LPCAT2: variants seen among roughly 807,000 people sequenced by gnomAD.
LPCAT2 encodes lysophosphatidylcholine acyltransferase 2, also known as 1-AGP acyltransferase 11.
Under a neutral mutation model 64.7 loss-of-function variants are expected in LPCAT2, and 58 were observed. The ratio of observed to expected loss-of-function variants is 0.90; its 90% confidence interval spans 0.73 to 1.12. The LOEUF (loss-of-function observed/expected upper bound fraction) is 1.12, where lower values mean the gene tolerates loss of function less well. Ranked by LOEUF, LPCAT2 falls within the 50% of genes most tolerant of loss-of-function variation. LPCAT2 has a pLI of 0.00. For missense variants in LPCAT2, 579 were observed against 669.8 expected (o/e 0.86, Z 1.50); for synonymous variants, 252 against 245.3 (o/e 1.03, Z -0.26).
chr16:55,513,497 C>T (rs1260157490), intron 1 of LPCAT2, among the ~76,000 whole-genome samples: 1 of 144,394 alleles, frequency 6.9e-6, no homozygotes, highest in African/African-American at 2.5e-5. Flanking sequence ...AAATTATCTT[C>T]TCTATAAAAG....
chr16:55,553,615 GTTGTAA>G (rs1963543026), intron 11 of LPCAT2, among the ~76,000 whole-genome samples: 1 of 152,174 alleles, frequency 6.6e-6, no homozygotes, highest in Admixed American at 6.5e-5. Context: ...ATCCATAAGT[GTTGTAA>G]TTGGCTTCTT....
chr16:55,530,096 G>A (rs1362293694), intron 4 of LPCAT2, 149 bp downstream of exon 4: 5 of 509,636 alleles, frequency 9.8e-6, no homozygotes, highest in Non-Finnish European at 1.7e-5. Context: ...AAATACAGTA[G>A]CCAGTATTAA....
At chr16:55,556,680 G>A (rs958434439) in intron 11 of LPCAT2, among the ~76,000 whole-genome samples, 6 of 152,110 alleles carry the variant, frequency 3.9e-5, no homozygotes, top group African/African-American at 9.7e-5. Context: ...CCCAGGAGGC[G>A]GAGCTTGCAG....
chr16:55,547,474 C>T lies in LPCAT2; in HGVS notation c.935+1657C>T, dbSNP rs1423018824. On this transcript the variant is annotated intron_variant, in intron 9 of 13. Coordinates refer to ENST00000262134, the MANE Select transcript of LPCAT2 (RefSeq NM_017839.5). ...GAAAACACAAGTACTGTGGTAGGCC[C>T]TCAACTTAAGTTATTTAACATTATC... Among the ~76,000 whole-genome samples the T allele has an allele frequency of 3.9e-5, 6 of 152,072 alleles. No individual in the cohort carries two copies. In the East Asian group the frequency reaches 9.7e-4, roughly 25 times the overall value.
chr16:55,554,602 T>C (rs1395595534), intron 11 of LPCAT2, among the ~76,000 whole-genome samples: 1 of 152,218 alleles, frequency 6.6e-6, no homozygotes, highest in Non-Finnish European at 1.5e-5. Flanking sequence ...ATAAGACTGT[T>C]TCACTTTCTT....
At chr16:55,555,768 C>T (rs1346641923) in intron 11 of LPCAT2, among the ~76,000 whole-genome samples, 1 of 152,152 alleles carries the variant, frequency 6.6e-6, no homozygotes, top group East Asian at 1.9e-4. Context: ...AGCAGTACTA[C>T]TATAAAGTGC....
chr16:55,567,915 A>G (rs897668304), intron 11 of LPCAT2, among the ~76,000 whole-genome samples: 6 of 152,146 alleles, frequency 3.9e-5, no homozygotes, highest in African/African-American at 1.4e-4. Flanking sequence ...CAGGAGATAC[A>G]TTTTCCATTT....
intron 11 of LPCAT2, among the ~76,000 whole-genome samples, chr16:55,573,754 G>A (rs1204139685): frequency 2.6e-5 from 4 of 151,320 alleles, no homozygotes; most frequent in Non-Finnish European, 5.9e-5. Flanking sequence ...CATCTCATTT[G>A]TCCCTTCTCC....
intron 10 of LPCAT2, among the ~76,000 whole-genome samples, chr16:55,549,862 T>TA (rs1415830432): frequency 1.5e-4 from 23 of 152,120 alleles, no homozygotes; most frequent in Admixed American, 5.9e-4. Context: ...ACCTATTTTT[T>TA]AAAAAAAAGG....
chr16:55,580,973 A>G lies in LPCAT2; in HGVS notation c.1450+1729A>G, dbSNP rs550895967. On this transcript the variant is annotated intron_variant, in intron 13 of 13. Coordinates refer to ENST00000262134, the MANE Select transcript of LPCAT2 (RefSeq NM_017839.5). ...AATCCCCTTTACCATCCATGGAAAAATTGTCTTCCATGAAACCAGTCCCTG... is the reference window on the plus strand; with the variant it reads ...AATCCCCTTTACCATCCATGGAAAAGTTGTCTTCCATGAAACCAGTCCCTG... Among the ~76,000 whole-genome samples, 43 of 152,258 alleles carry G rather than the reference A, an allele frequency of 2.8e-4. No homozygotes were observed. In the South Asian group the frequency reaches 8.9e-3, roughly 32 times the overall value.
In LPCAT2 at chr16:55,509,157, G is replaced by T. The variant is rs765110127; in HGVS notation, c.-25G>T. The T allele has an allele frequency of 1.5e-6, 2 of 1,315,188 alleles. No homozygotes were observed. Among genetic ancestry groups the T allele is most frequent in the South Asian group, 4.2e-5 (2 of 47,838 alleles). 81.5% of individuals were successfully genotyped at this position (1,315,188 alleles called of 1,614,324 possible). Reference sequence around the variant, plus strand: ...TGCAGCGCCCGCGTAGATCGCTTCGGCCGGGTTCTACGCCCGGCTCAACTA... The same window carrying T: ...TGCAGCGCCCGCGTAGATCGCTTCGTCCGGGTTCTACGCCCGGCTCAACTA... On this transcript the variant is annotated 5_prime_UTR_variant, in exon 1 of 14. Coordinates refer to ENST00000262134, the MANE Select transcript of LPCAT2 (RefSeq NM_017839.5).
At chr16:55,552,293 C>T (rs1370945923) in intron 11 of LPCAT2, among the ~76,000 whole-genome samples, 1 of 152,042 alleles carries the variant, frequency 6.6e-6, no homozygotes, top group African/African-American at 2.4e-5. Context: ...CCTTTCATTG[C>T]TGAGTAGTAT....
At chr16:55,559,667 A>G (rs1596878479) in intron 11 of LPCAT2, among the ~76,000 whole-genome samples, 1 of 152,076 alleles carries the variant, frequency 6.6e-6, no homozygotes, top group East Asian at 1.9e-4. Flanking sequence ...TATGTAATAC[A>G]GTATTTCATA....
chr16:55,545,783 C>CT lies in LPCAT2; in HGVS notation c.906dup (p.Ala303CysfsTer3). 1 of 1,612,734 alleles carries CT rather than the reference C, an allele frequency of 6.2e-7. No homozygotes were observed. The highest frequency in any genetic ancestry group is 8.5e-7 in the Non-Finnish European group (1 of 1,179,320). On this transcript the variant is annotated frameshift_variant, in exon 9 of 14. Coordinates refer to ENST00000262134, the MANE Select transcript of LPCAT2 (RefSeq NM_017839.5). LOFTEE classifies it high-confidence loss of function. ...TGATGAAGAAAAAAATGATCCTGTC[C>CT]TTTTTGCCAATAAAGTCCGGAATTT...
intron 1 of LPCAT2, among the ~76,000 whole-genome samples, chr16:55,518,890 A>G (rs764233463): frequency 6.6e-6 from 1 of 152,164 alleles, no homozygotes; most frequent in Admixed American, 6.5e-5. Context: ...TAGACATACA[A>G]CGAAAGTACT....
chr16:55,563,066 C>A (rs1963654122), intron 11 of LPCAT2, among the ~76,000 whole-genome samples: 1 of 151,776 alleles, frequency 6.6e-6, no homozygotes, highest in Admixed American at 6.6e-5. Flanking sequence ...ACCAATTTTA[C>A]AGAAATAAAA....
chr16:55,546,785 T>G (rs1963458752), intron 9 of LPCAT2, among the ~76,000 whole-genome samples: 1 of 152,030 alleles, frequency 6.6e-6, no homozygotes, highest in Non-Finnish European at 1.5e-5. Flanking sequence ...TTATGTTTTC[T>G]TCTCTTCCTT....
At chr16:55,580,114 T>A (rs1426378496) in intron 13 of LPCAT2, among the ~76,000 whole-genome samples, 1 of 152,220 alleles carries the variant, frequency 6.6e-6, no homozygotes, top group Non-Finnish European at 1.5e-5. Context: ...CTTTAATTAC[T>A]CTTTCCTTAT....
chr16:55,536,683 T>C (rs1963328219), intron 7 of LPCAT2, among the ~76,000 whole-genome samples: 1 of 152,320 alleles, frequency 6.6e-6, no homozygotes, highest in South Asian at 2.1e-4. Context: ...GAAAAGAGAT[T>C]GGTTGGTTCT....
Sources: gnomAD v4.1 joint callset for allele counts (sites outside exome capture counted in the v4.1 genomes callset) on GRCh38, gnomAD v4.1.1 for gene constraint, MANE v1.5 for transcripts, NCBI Gene and HGNC (gene_info 2026-07-23, HGNC 2026-07-21) for gene names.